Variants in TBC1D1 observed in about 807,000 individuals in gnomAD.
TBC1D1 encodes TBC1 domain family member 1, also known as TBC1 (tre-2/USP6, BUB2, cdc16) domain family, member 1.
In TBC1D1, 89 loss-of-function variants were observed where a neutral mutation model predicts 125.6. That is an observed-to-expected ratio of 0.71 (90% CI 0.60 to 0.85). TBC1D1 has a LOEUF of 0.85. Ranked by LOEUF, TBC1D1 falls within the 40% of genes least tolerant of loss-of-function variation. The pLI, the probability that TBC1D1 is intolerant of heterozygous loss-of-function variation, is 0.00. For synonymous variants in TBC1D1, 565 were observed against 564.1 expected, an observed-to-expected ratio of 1.00 and a Z score of -0.02; for missense variants, 1,377 against 1,469.2, an observed-to-expected ratio of 0.94 and a Z score of 1.03.
intron 11 of TBC1D1, among the ~76,000 whole-genome samples, chr4:38,052,730 A>G (rs144990254): frequency 0.079 from 5,088 of 64,488 alleles, 188 homozygotes; most frequent in African/African-American, 0.17. Context: ...GCGCGCGCGC[A>G]CACACACACA....
rs538292918 is a variant in TBC1D1, at chr4:38,135,348, C to G, written c.3307-1787C>G. Among the ~76,000 whole-genome samples the G allele has an allele frequency of 2.6e-5, 4 of 152,298 alleles. No individual in the cohort carries two copies. In the South Asian group the frequency reaches 8.3e-4, roughly 32 times the overall value. On this transcript the variant is annotated intron_variant, in intron 19 of 19. Transcript: ENST00000261439. ...TACATCAGACGATTGCATAGACGTGCCAGATGGAACCAAATAATAATGCAC... is the reference window on the plus strand; with the variant it reads ...TACATCAGACGATTGCATAGACGTGGCAGATGGAACCAAATAATAATGCAC...
At chr4:38,036,461 G>GA (rs1417144079) in intron 8 of TBC1D1, among the ~76,000 whole-genome samples, 1 of 152,184 alleles carries the variant, frequency 6.6e-6, no homozygotes, top group Non-Finnish European at 1.5e-5. Flanking sequence ...GAAATCTAGA[G>GA]AAAAATCAGT....
At chr4:37,902,649 AT>A in intron 2 of TBC1D1, 137 bp downstream of exon 2, 1 of 739,798 alleles carries the variant, frequency 1.4e-6, no homozygotes, top group Non-Finnish European at 2.0e-6. Flanking sequence ...ACTTAGCTGA[AT>A]TTTTGTTTTA....
At chr4:38,135,800 T>G (rs553294250) in intron 19 of TBC1D1, among the ~76,000 whole-genome samples, 2 of 152,258 alleles carry the variant, frequency 1.3e-5, no homozygotes, top group South Asian at 4.2e-4. Flanking sequence ...GGCACAAGTG[T>G]TGTCACATTC....
intron 16 of TBC1D1, 79 bp downstream of exon 18, chr4:38,116,033 G>GC: frequency 6.6e-7 from 1 of 1,511,792 alleles, no homozygotes; most frequent in Non-Finnish European, 9.0e-7. Flanking sequence ...TGCCTCAGGA[G>GC]CTTTTTCACC....
intron 2 of TBC1D1, among the ~76,000 whole-genome samples, chr4:37,972,845 T>G (rs1732319429): frequency 6.9e-6 from 1 of 145,270 alleles, no homozygotes; most frequent in South Asian, 2.1e-4. Context: ...GAGGTTGCAG[T>G]GAGCTGAGAT....
intron 12 of TBC1D1, among the ~76,000 whole-genome samples, chr4:38,059,399 C>CA (rs1362941854): frequency 1.1e-4 from 16 of 152,172 alleles, no homozygotes; most frequent in Admixed American, 9.8e-4. Context: ...AATAGGAAAT[C>CA]AGCGATTTTT....
intron 1 of TBC1D1, among the ~76,000 whole-genome samples, chr4:37,900,007 G>C (rs936671857): frequency 6.6e-6 from 1 of 152,094 alleles, no homozygotes; most frequent in African/African-American, 2.4e-5. Context: ...TGTAGTCCCA[G>C]CTACTCGGGA....
intron 8 of TBC1D1, among the ~76,000 whole-genome samples, chr4:38,038,118 G>A (rs187264051): frequency 1.3e-5 from 2 of 152,284 alleles, no homozygotes; most frequent in Admixed American, 6.5e-5. Context: ...AGGAAATGGG[G>A]AAGAGCAGTC....
At chr4:37,953,027 G>C (rs1217709589) in intron 2 of TBC1D1, among the ~76,000 whole-genome samples, 1 of 152,166 alleles carries the variant, frequency 6.6e-6, no homozygotes, top group Non-Finnish European at 1.5e-5. Flanking sequence ...GATATGCCGT[G>C]TATTGTCTCA....
intron 12 of TBC1D1, among the ~76,000 whole-genome samples, chr4:38,057,681 C>G (rs1022312723): frequency 6.6e-6 from 1 of 152,192 alleles, no homozygotes; most frequent in African/African-American, 2.4e-5. Flanking sequence ...ACATATTATG[C>G]TCTTTTTATA....
intron 12 of TBC1D1, among the ~76,000 whole-genome samples, chr4:38,088,449 T>G (rs994144913): frequency 6.6e-6 from 1 of 152,226 alleles, no homozygotes; most frequent in Non-Finnish European, 1.5e-5. Context: ...AACCAATATT[T>G]TGTCCCTTCT....
At chr4:37,918,780 T>TG (rs1720278496) in intron 2 of TBC1D1, among the ~76,000 whole-genome samples, 1 of 152,202 alleles carries the variant, frequency 6.6e-6, no homozygotes, top group African/African-American at 2.4e-5. Flanking sequence ...GCCGTACAAT[T>TG]TTTAATTAGT....
chr4:37,902,475 G>T lies in TBC1D1; in HGVS notation c.380G>T (p.Ser127Ile), dbSNP rs1222953157. 1 of 1,613,106 alleles carries T rather than the reference G, an allele frequency of 6.2e-7. No individual in the cohort carries two copies. Among genetic ancestry groups the T allele is most frequent in the Non-Finnish European group, 8.5e-7 (1 of 1,179,418 alleles). Residue 127 changes from serine (S) to isoleucine (I), a missense_variant, in exon 2 of 20, where the codon AGT (serine) becomes ATT (isoleucine). Ser to Ile is a moderately radical substitution (Grantham distance 142). Coordinates refer to ENST00000261439, the MANE Select transcript of TBC1D1 (RefSeq NM_015173.4). Reference sequence around the variant, plus strand: ...AAGGAAGACGCTGTCCACCGGCAGAGTATCTGCTATGTGTTCAAAGCCGAT... The same window carrying T: ...AAGGAAGACGCTGTCCACCGGCAGATTATCTGCTATGTGTTCAAAGCCGAT...
chr4:38,030,417 C>A (rs967502472), intron 7 of TBC1D1: 2 of 152,228 alleles, frequency 1.3e-5, no homozygotes, highest in Admixed American at 1.3e-4. Flanking sequence ...TTGTATTCAC[C>A]AACTTTGAAA....
chr4:38,131,004 G>C (rs1251161567), intron 18 of TBC1D1, among the ~76,000 whole-genome samples: 1 of 152,138 alleles, frequency 6.6e-6, no homozygotes, highest in Non-Finnish European at 1.5e-5. Flanking sequence ...AGTGACCAGG[G>C]TTCTCCTTTG....
chr4:37,969,756 G>A (rs1264297142), intron 2 of TBC1D1, among the ~76,000 whole-genome samples: 1 of 152,164 alleles, frequency 6.6e-6, no homozygotes, highest in Non-Finnish European at 1.5e-5. Flanking sequence ...AAATTAAGAT[G>A]TAATTTACAT....
chr4:37,985,849 G>C (rs1220275257), intron 2 of TBC1D1, among the ~76,000 whole-genome samples: 2 of 152,212 alleles, frequency 1.3e-5, no homozygotes. Context: ...GAATCACTCA[G>C]CTGGGATTTT....
chr4:38,121,002 A>G (rs1156392897), intron 17 of TBC1D1, among the ~76,000 whole-genome samples: 1 of 152,222 alleles, frequency 6.6e-6, no homozygotes, highest in Admixed American at 6.5e-5. Context: ...CCTGCAATAT[A>G]GTGAAGGCTT....
Sources: allele counts gnomAD v4.1 joint callset (sites outside exome capture counted in the v4.1 genomes callset), GRCh38; gene constraint gnomAD v4.1.1; transcripts MANE v1.5; gene names NCBI Gene and HGNC (gene_info 2026-07-23, HGNC 2026-07-21).